Variants in STXBP4 observed in about 807,000 individuals in gnomAD.
The protein encoded by STXBP4 is syntaxin binding protein 4.
A neutral mutation model predicts 76.1 loss-of-function variants in STXBP4; 55 were observed. The ratio of observed to expected loss-of-function variants is 0.72; its 90% CI spans 0.58 to 0.91. STXBP4 has a LOEUF of 0.91. STXBP4 is among the 40% of genes least tolerant of loss of function. The probability of loss-of-function intolerance (pLI) is 0.00; values close to 1 mark genes in which losing one functional copy is unlikely to be tolerated. For synonymous variants in STXBP4, 201 were observed against 220.2 expected (o/e 0.91, Z 0.77); for missense variants, 618 against 636.9 (o/e 0.97, Z 0.32).
chr17:55,034,306 T>C, intron 10 of STXBP4, 47 bp downstream of exon 10: 1 of 1,364,850 alleles, frequency 7.3e-7, no homozygotes, highest in Non-Finnish European at 1.0e-6. Flanking sequence ...AAGTCACAAG[T>C]CTTGAATGTT....
At chr17:55,144,918 A>G (rs75872582) in intron 17 of STXBP4, among the ~76,000 whole-genome samples, 4,386 of 152,266 alleles carry the variant, frequency 0.029, 386 homozygotes, top group East Asian at 0.23. Flanking sequence ...AAAGGAAAGT[A>G]TATTAGCACT....
At chr17:55,191,867 A>G in the STXBP4 span, among the ~76,000 whole-genome samples, 2 of 152,186 alleles carry the variant, frequency 1.3e-5, no homozygotes, top group Non-Finnish European at 2.9e-5. Flanking sequence ...GCACCAGTCA[A>G]AAATCCCAGG....
chr17:55,170,978 C>A lies in STXBP4; in HGVS notation c.*11067C>A, dbSNP rs1172599693. On this transcript the variant is annotated 3_prime_UTR_variant, in exon 18 of 18. Transcript: ENST00000376352. ...TGTGATTATGGATGTCAACTTATCT[C>A]AGAGCAGTATCATTGGTTGAGCAGT... The A allele has an allele frequency of 6.6e-6, 1 of 152,172 alleles. No homozygotes were observed. The highest frequency in any genetic ancestry group is 1.5e-5 in the Non-Finnish European group (1 of 68,042). The allele number at this position is 152,172 out of a possible 1,614,324, so 9.4% of individuals were successfully genotyped here.
intron 4 of STXBP4, among the ~76,000 whole-genome samples, chr17:54,998,911 T>G (rs2077860008): frequency 6.6e-6 from 1 of 152,058 alleles, no homozygotes; most frequent in African/African-American, 2.4e-5. Flanking sequence ...CACACACACA[T>G]TGAACAGTTT....
chr17:55,003,546 T>C (rs767738352), intron 7 of STXBP4, among the ~76,000 whole-genome samples: 30 of 152,306 alleles, frequency 2.0e-4, no homozygotes, highest in Admixed American at 3.3e-4. Context: ...TATAGATTGT[T>C]ACAAATCAGA....
At chr17:55,018,302 A>C (rs2078244893) in intron 8 of STXBP4, among the ~76,000 whole-genome samples, 1 of 152,210 alleles carries the variant, frequency 6.6e-6, no homozygotes, top group African/African-American at 2.4e-5. Flanking sequence ...GATCAGGAGC[A>C]CAGCGGACAC....
chr17:55,131,147 G>A (rs150343568), intron 16 of STXBP4, among the ~76,000 whole-genome samples: 1 of 152,138 alleles, frequency 6.6e-6, no homozygotes, highest in African/African-American at 2.4e-5. Flanking sequence ...AGTGTACAAG[G>A]ATTCTTTTTT....
chr17:54,982,961 G>C (rs908683335), intron 1 of STXBP4, among the ~76,000 whole-genome samples: 7 of 152,156 alleles, frequency 4.6e-5, no homozygotes, highest in African/African-American at 1.7e-4. Context: ...GAGCAAGAAA[G>C]AGCAGGGTTC....
chr17:55,093,150 A>G (rs1215228890), intron 16 of STXBP4, among the ~76,000 whole-genome samples: 1 of 152,020 alleles, frequency 6.6e-6, no homozygotes, highest in East Asian at 1.9e-4. Context: ...GTACTCCACC[A>G]TGCCCAGCTA....
At chr17:55,205,523 G>C in the STXBP4 span, among the ~76,000 whole-genome samples, 1 of 151,196 alleles carries the variant, frequency 6.6e-6, no homozygotes, top group African/African-American at 2.4e-5. Context: ...AACTGGGAAA[G>C]ACATAAACAG....
At chr17:55,206,426 C>T in the STXBP4 span, among the ~76,000 whole-genome samples, 20 of 152,308 alleles carry the variant, frequency 1.3e-4, no homozygotes, top group African/African-American at 4.8e-4. Context: ...AACTTCTCCT[C>T]TCTTGCCAGC....
the STXBP4 span, among the ~76,000 whole-genome samples, chr17:55,205,030 A>G: frequency 6.6e-6 from 1 of 152,234 alleles, no homozygotes; most frequent in East Asian, 1.9e-4. Context: ...AAGTTTGTCT[A>G]AACAAATTAG....
At chr17:54,969,009 T>C (rs927194838) in intron 1 of STXBP4, among the ~76,000 whole-genome samples, 194 bp downstream of exon 1, 1 of 152,180 alleles carries the variant, frequency 6.6e-6, no homozygotes, top group African/African-American at 2.4e-5. Flanking sequence ...TCTCCCGCGG[T>C]CTTTTCTCCT....
chr17:55,009,029 T>C (rs2078057212), intron 8 of STXBP4, among the ~76,000 whole-genome samples: 1 of 152,238 alleles, frequency 6.6e-6, no homozygotes, highest in Non-Finnish European at 1.5e-5. Context: ...CACTTTTTGG[T>C]GCCCTATAAT....
intron 16 of STXBP4, among the ~76,000 whole-genome samples, chr17:55,085,299 G>A (rs2079311707): frequency 6.6e-6 from 1 of 152,016 alleles, no homozygotes; most frequent in Non-Finnish European, 1.5e-5. Flanking sequence ...CAAGGCACAT[G>A]TATACATATG....
At chr17:55,051,320 T>G (rs922351148) in intron 12 of STXBP4, among the ~76,000 whole-genome samples, 29 of 152,108 alleles carry the variant, frequency 1.9e-4, no homozygotes, top group African/African-American at 6.5e-4. Context: ...ATAATTATGG[T>G]AAGGAAAAAA....
At chr17:54,972,868 A>G (rs771904090) in intron 1 of STXBP4, among the ~76,000 whole-genome samples, 1 of 152,140 alleles carries the variant, frequency 6.6e-6, no homozygotes, top group Non-Finnish European at 1.5e-5. Flanking sequence ...TTCCCCCCAT[A>G]TGTAAGCAAA....
At chr17:54,998,556 C>A (rs2077852110) in intron 4 of STXBP4, among the ~76,000 whole-genome samples, 2 of 152,202 alleles carry the variant, frequency 1.3e-5, no homozygotes, top group African/African-American at 4.8e-5. Flanking sequence ...AAAGGCAACA[C>A]CAGGCAGCCA....
At chr17:54,999,604 C>A in intron 5 of STXBP4, 28 bp from the exon 6 acceptor site, 2 of 1,582,792 alleles carry the variant, frequency 1.3e-6, no homozygotes, top group South Asian at 1.1e-5. Context: ...CATAGCATAT[C>A]CATAAAGTGA....
Sources: gnomAD v4.1 joint callset for allele counts (sites outside exome capture counted in the v4.1 genomes callset) on GRCh38, gnomAD v4.1.1 for gene constraint, MANE v1.5 for transcripts, NCBI Gene and HGNC (gene_info 2026-07-23, HGNC 2026-07-21) for gene names.